Variants in NEGR1 observed in about 807,000 individuals in gnomAD.
NEGR1 encodes the protein IgLON family member 4.
Under a neutral mutation model 40.9 loss-of-function variants are expected in NEGR1, and 10 were observed. That is an observed-to-expected ratio of 0.24 (90% CI 0.15 to 0.42). NEGR1 has a LOEUF of 0.42. NEGR1 is among the 10% of genes least tolerant of loss of function. The pLI is 1.00. For synonymous variants in NEGR1, 185 were observed against 166.8 expected, an observed-to-expected ratio of 1.11 and a Z score of -0.84; for missense variants, 352 against 438.9, an observed-to-expected ratio of 0.80 and a Z score of 1.77.
chr1:72,014,967 T>A (rs2100409471), intron 1 of NEGR1, among the ~76,000 whole-genome samples: 1 of 152,194 alleles, frequency 6.6e-6, no homozygotes, highest in East Asian at 1.9e-4. Flanking sequence ...TGGTTGTCAT[T>A]GAAATTGTAT....
At chr1:72,266,826 A>G (rs2100552738) in intron 1 of NEGR1, among the ~76,000 whole-genome samples, 1 of 150,826 alleles carries the variant, frequency 6.6e-6, no homozygotes, top group East Asian at 1.9e-4. Flanking sequence ...AGAACTTGAA[A>G]ATTATTAAAA....
chr1:71,532,090 A>G (rs958699084), intron 6 of NEGR1, among the ~76,000 whole-genome samples: 4 of 151,520 alleles, frequency 2.6e-5, no homozygotes, highest in African/African-American at 7.3e-5. Context: ...AGAAATCCCT[A>G]TGAACTTTTC....
At chr1:71,629,702 G>C (rs942246271) in intron 4 of NEGR1, among the ~76,000 whole-genome samples, 5 of 151,910 alleles carry the variant, frequency 3.3e-5, no homozygotes, top group Non-Finnish European at 7.4e-5. Context: ...GATTGTATGT[G>C]TAGAAAACCC....
chr1:71,977,773 CA>C (rs35651349), intron 1 of NEGR1, among the ~76,000 whole-genome samples: 34,472 of 86,348 alleles, frequency 0.4, 4,867 homozygotes, highest in East Asian at 0.6. Flanking sequence ...AAGTAGAAGT[CA>C]AAAAAAAAAA....
intron 6 of NEGR1, among the ~76,000 whole-genome samples, chr1:71,582,478 C>T (rs891453457): frequency 1.3e-5 from 2 of 152,070 alleles, no homozygotes; most frequent in Non-Finnish European, 2.9e-5. Flanking sequence ...TCTGGCCTTT[C>T]TCTCTATCTA....
At chr1:72,262,296 T>C (rs1655483905) in intron 1 of NEGR1, among the ~76,000 whole-genome samples, 1 of 152,090 alleles carries the variant, frequency 6.6e-6, no homozygotes, top group South Asian at 2.1e-4. Flanking sequence ...GAGATGAAGC[T>C]GTGCCCTGCC....
intron 1 of NEGR1, among the ~76,000 whole-genome samples, chr1:72,162,292 A>AAAAAAATAAAAATAAAAAATAAAAAT (rs71074823): frequency 6.9e-6 from 1 of 144,658 alleles, no homozygotes; most frequent in African/African-American, 2.6e-5. Flanking sequence ...CCTCTACTAA[A>AAAAAAATAAAAATAAAAAATAAAAAT]AAAAAATAAA....
rs114414861 is a variant in NEGR1, at chr1:72,081,116, C to T, written c.177-145805G>A. Among the ~76,000 whole-genome samples the T allele has an allele frequency of 8.0e-3, 1,219 of 152,160 alleles. 15 individuals are homozygous for T. Among genetic ancestry groups the T allele is most frequent in the African/African-American group, 0.027 (1,142 of 41,534 alleles). On this transcript the variant is annotated intron_variant, in intron 1 of 6. Coordinates refer to ENST00000357731, the MANE Select transcript of NEGR1 (RefSeq NM_173808.3). ...AGTCATTTACATACTTTCAGTTGTA[C>T]TGGTCAGAAAAACAGAGGCAGGACT...
chr1:71,692,520 G>C (rs1202326320), intron 4 of NEGR1, among the ~76,000 whole-genome samples: 1 of 151,290 alleles, frequency 6.6e-6, no homozygotes. Flanking sequence ...ATGGCCATTT[G>C]TGATCTGCAA....
At chr1:72,073,032 G>T (rs1647539498) in intron 1 of NEGR1, among the ~76,000 whole-genome samples, 1 of 152,254 alleles carries the variant, frequency 6.6e-6, no homozygotes, top group Admixed American at 6.6e-5. Flanking sequence ...CATTTATTGG[G>T]GAATGCTCCT....
At chr1:71,967,293 C>T (rs1409887228) in intron 1 of NEGR1, among the ~76,000 whole-genome samples, 2 of 152,082 alleles carry the variant, frequency 1.3e-5, no homozygotes, top group African/African-American at 4.8e-5. Context: ...AAAGTCCATG[C>T]TGGGTGTTCT....
intron 4 of NEGR1, among the ~76,000 whole-genome samples, chr1:71,683,237 C>T (rs1380012754): frequency 6.6e-6 from 1 of 151,868 alleles, no homozygotes; most frequent in Non-Finnish European, 1.5e-5. Flanking sequence ...AGGTATGGCC[C>T]TTCGTGGGGG....
chr1:71,969,006 G>A lies in NEGR1; in HGVS notation c.177-33695C>T, dbSNP rs574950209. 6.0e-5 allele frequency among the ~76,000 whole-genome samples: 9 copies of A among 151,244 alleles called. No individual in the cohort carries two copies. The South Asian group carries it at 1.3e-3, about 21-fold the overall frequency. On this transcript the variant is annotated intron_variant, in intron 1 of 6. Coordinates refer to ENST00000357731, the MANE Select transcript of NEGR1 (RefSeq NM_173808.3). ...GCAGCTCAACCCCTACATCTCATAT[G>A]TTTTTTTTGTTTTTGTTTTTTTTTT...
chr1:71,770,698 C>A (rs1656287482), intron 3 of NEGR1, among the ~76,000 whole-genome samples: 1 of 151,942 alleles, frequency 6.6e-6, no homozygotes, highest in Admixed American at 6.6e-5. Flanking sequence ...GACAATTTGA[C>A]CAAGAAAAAC....
intron 1 of NEGR1, among the ~76,000 whole-genome samples, chr1:72,208,708 A>T (rs1290647175): frequency 6.6e-6 from 1 of 151,642 alleles, no homozygotes; most frequent in Non-Finnish European, 1.5e-5. Flanking sequence ...TTTATTTCAA[A>T]TACAAATATA....
At chr1:71,752,444 T>C (rs919251576) in intron 3 of NEGR1, among the ~76,000 whole-genome samples, 1 of 152,122 alleles carries the variant, frequency 6.6e-6, no homozygotes, top group South Asian at 2.1e-4. Flanking sequence ...ACAATTTTGG[T>C]TTTACTGGCC....
chr1:71,463,020 G>T (rs1646724016), intron 6 of NEGR1, among the ~76,000 whole-genome samples: 1 of 152,122 alleles, frequency 6.6e-6, no homozygotes, highest in African/African-American at 2.4e-5. Flanking sequence ...CATTTACTCA[G>T]CAAATATTTA....
intron 1 of NEGR1, among the ~76,000 whole-genome samples, chr1:72,242,728 A>G (rs1174864800): frequency 6.6e-6 from 1 of 151,684 alleles, no homozygotes; most frequent in African/African-American, 2.4e-5. Flanking sequence ...CCACAAAGCT[A>G]TGTACTACTT....
chr1:71,594,103 A>G (rs1649602808), intron 5 of NEGR1, among the ~76,000 whole-genome samples: 1 of 152,168 alleles, frequency 6.6e-6, no homozygotes, highest in Admixed American at 6.5e-5. Context: ...TGTTCCCCCA[A>G]CATAGGCATT....
Sources: gnomAD v4.1 joint callset for allele counts (sites outside exome capture counted in the v4.1 genomes callset) on GRCh38, gnomAD v4.1.1 for gene constraint, MANE v1.5 for transcripts, NCBI Gene and HGNC (gene_info 2026-07-23, HGNC 2026-07-21) for gene names.